Variants in JAZF1 observed in about 807,000 individuals in gnomAD.
JAZF1 encodes juxtaposed with another zinc finger protein 1.
JAZF1 carries 8 observed loss-of-function variants against 26.4 expected under a neutral mutation model. The ratio of observed to expected loss-of-function variants is 0.30; its 90% CI spans 0.18 to 0.55. The LOEUF (loss-of-function observed/expected upper bound fraction) is 0.55, where lower values mean the gene tolerates loss of function less well. Among genes scored for constraint, JAZF1 ranks in the 20% least tolerant of loss-of-function variants. The pLI is 0.94. For missense variants in JAZF1, 199 were observed against 322.0 expected (o/e 0.62, Z 2.92); for synonymous variants, 126 against 122.3 (o/e 1.03, Z -0.20).
chr7:27,927,861 A>C (rs754026451), intron 2 of JAZF1, among the ~76,000 whole-genome samples: 1 of 152,188 alleles, frequency 6.6e-6, no homozygotes, highest in Non-Finnish European at 1.5e-5. Context: ...CAAATTCTAG[A>C]GGCAAGAATT....
At chr7:28,014,143 G>T (rs767716508) in intron 1 of JAZF1, among the ~76,000 whole-genome samples, 18 of 146,108 alleles carry the variant, frequency 1.2e-4, no homozygotes, top group Admixed American at 2.7e-4. Flanking sequence ...TGGGGGTGGG[G>T]AATGCATGCT....
chr7:28,145,282 T>A (rs1783010355), intron 1 of JAZF1, among the ~76,000 whole-genome samples: 1 of 152,242 alleles, frequency 6.6e-6, no homozygotes, highest in Admixed American at 6.5e-5. Context: ...TTCACATGTA[T>A]ACTCTTTGCT....
rs571267050 is a variant in JAZF1, at chr7:28,168,973, A to G, written c.115+11490T>C. Among the ~76,000 whole-genome samples, 9 of 152,354 alleles carry G rather than the reference A, an allele frequency of 5.9e-5. No homozygotes were observed. The East Asian group carries it at 1.3e-3, about 23-fold the overall frequency. ...TTTCTCCCCCAGCTTCACCCAAGTGATTGTGAATGGCAACCCATGTGTTAA... is the reference window on the plus strand; with the variant it reads ...TTTCTCCCCCAGCTTCACCCAAGTGGTTGTGAATGGCAACCCATGTGTTAA... On this transcript the variant is annotated intron_variant, in intron 1 of 4. Coordinates refer to ENST00000283928, the MANE Select transcript of JAZF1 (RefSeq NM_175061.4).
At chr7:28,062,486 G>A (rs1783816209) in intron 1 of JAZF1, among the ~76,000 whole-genome samples, 1 of 152,106 alleles carries the variant, frequency 6.6e-6, no homozygotes. Flanking sequence ...TCCTGAGGCT[G>A]AGTAACCACC....
chr7:28,083,678 C>T (rs1784171445), intron 1 of JAZF1, among the ~76,000 whole-genome samples: 1 of 152,038 alleles, frequency 6.6e-6, no homozygotes, highest in Non-Finnish European at 1.5e-5. Context: ...TCAATTAATG[C>T]TACTGCTGCC....
chr7:28,167,350 C>A (rs1241717120), intron 1 of JAZF1, among the ~76,000 whole-genome samples: 2 of 152,140 alleles, frequency 1.3e-5, no homozygotes, highest in Non-Finnish European at 2.9e-5. Context: ...TGGTGTCTCA[C>A]AAAACACTGT....
chr7:28,023,719 A>G (rs1055507441), intron 1 of JAZF1, among the ~76,000 whole-genome samples: 2 of 152,246 alleles, frequency 1.3e-5, no homozygotes, highest in Non-Finnish European at 2.9e-5. Flanking sequence ...AAAGTGAACC[A>G]TACGGACAGG....
intron 1 of JAZF1, among the ~76,000 whole-genome samples, chr7:28,089,825 G>T (rs1784266466): frequency 6.6e-6 from 1 of 152,214 alleles, no homozygotes; most frequent in Non-Finnish European, 1.5e-5. Context: ...GTAGAAGGTA[G>T]AATTGGCAAG....
At chr7:27,847,738 G>A (rs970745322) in intron 3 of JAZF1, among the ~76,000 whole-genome samples, 1 of 152,172 alleles carries the variant, frequency 6.6e-6, no homozygotes, top group African/African-American at 2.4e-5. Context: ...TGTAATCTCA[G>A]TTCACTGCAA....
chr7:27,887,415 T>TTTAC (rs1199829917), intron 3 of JAZF1, among the ~76,000 whole-genome samples: 2 of 151,422 alleles, frequency 1.3e-5, no homozygotes, highest in Non-Finnish European at 2.9e-5. Flanking sequence ...TTTGTATTTA[T>TTTAC]TTATTTATTT....
At chr7:28,060,097 A>G (rs1783774485) in intron 1 of JAZF1, among the ~76,000 whole-genome samples, 1 of 151,858 alleles carries the variant, frequency 6.6e-6, no homozygotes, top group African/African-American at 2.4e-5. Flanking sequence ...TTAATTCTTT[A>G]TTTGATTCTA....
chr7:28,089,344 C>T (rs1361250879), intron 1 of JAZF1, among the ~76,000 whole-genome samples: 2 of 152,166 alleles, frequency 1.3e-5, no homozygotes, highest in Non-Finnish European at 2.9e-5. Context: ...AGGAAGAGGG[C>T]CTTACCAGAC....
At chr7:27,877,141 G>A (rs1448458585) in intron 3 of JAZF1, among the ~76,000 whole-genome samples, 1 of 145,892 alleles carries the variant, frequency 6.9e-6, no homozygotes, top group Admixed American at 6.9e-5. Context: ...CACCGACCAC[G>A]TTTATTTTCT....
chr7:27,902,038 A>G (rs890087902), intron 2 of JAZF1, among the ~76,000 whole-genome samples: 1 of 152,356 alleles, frequency 6.6e-6, no homozygotes, highest in African/African-American at 2.4e-5. Context: ...TTTTTTAAAA[A>G]TAAAGTTTGG....
At chr7:28,101,267 GT>G (rs1245497667) in intron 1 of JAZF1, among the ~76,000 whole-genome samples, 1 of 152,112 alleles carries the variant, frequency 6.6e-6, no homozygotes, top group East Asian at 1.9e-4. Context: ...GCTTTTCAAT[GT>G]TTTAGCTCTT....
Position 27,983,721 on chromosome 7 carries a change from C to A in JAZF1, c.188+8188G>T, listed in dbSNP as rs537000452. Among the ~76,000 whole-genome samples, 415 of 152,296 alleles carry A rather than the reference C, an allele frequency of 2.7e-3. 3 individuals are homozygous for A. The highest frequency in any genetic ancestry group is 9.2e-3 in the African/African-American group (384 of 41,574). ...GAGAGAAAGGTCGGGTTACCCACAACGGGAAGCCCATCAGACTAACAGCTG... is the reference window on the plus strand; with the variant it reads ...GAGAGAAAGGTCGGGTTACCCACAAAGGGAAGCCCATCAGACTAACAGCTG... On this transcript the variant is annotated intron_variant, in intron 2 of 4. Coordinates refer to ENST00000283928, the MANE Select transcript of JAZF1 (RefSeq NM_175061.4).
chr7:28,109,528 T>C (rs772970242), intron 1 of JAZF1, among the ~76,000 whole-genome samples: 6 of 152,150 alleles, frequency 3.9e-5, no homozygotes, highest in Non-Finnish European at 7.3e-5. Flanking sequence ...GAAAAAAACA[T>C]CTGTAATAAC....
At chr7:28,028,614 T>C (rs1783131765) in intron 1 of JAZF1, among the ~76,000 whole-genome samples, 1 of 152,178 alleles carries the variant, frequency 6.6e-6, no homozygotes, top group African/African-American at 2.4e-5. Flanking sequence ...TATGTACAAA[T>C]AAAGATGCAA....
At chr7:28,034,740 A>G (rs1391941061) in intron 1 of JAZF1, among the ~76,000 whole-genome samples, 1 of 152,200 alleles carries the variant, frequency 6.6e-6, no homozygotes, top group East Asian at 1.9e-4. Context: ...AAATGCCATA[A>G]TCCTTCTAGA....
Sources: allele counts gnomAD v4.1 joint callset (sites outside exome capture counted in the v4.1 genomes callset), GRCh38; gene constraint gnomAD v4.1.1; transcripts MANE v1.5; gene names NCBI Gene and HGNC (gene_info 2026-07-23, HGNC 2026-07-21).